ZEB1: variants seen among roughly 807,000 people sequenced by gnomAD.
ZEB1 encodes the protein zinc finger E-box-binding homeobox 1.
In ZEB1, 21 loss-of-function variants were observed where a neutral mutation model predicts 84.9. The observed-to-expected ratio is 0.25, with a 90% confidence interval of 0.18 to 0.36. The LOEUF is 0.36. ZEB1 is among the 10% of genes least tolerant of loss of function. The pLI is 1.00. For missense variants in ZEB1, 1,104 were observed against 1,330.2 expected (o/e 0.83, Z 2.65); for synonymous variants, 420 against 471.1 (o/e 0.89, Z 1.41).
chr10:31,329,305 T>G (rs2036260331), intron 1 of ZEB1, among the ~76,000 whole-genome samples: 1 of 152,150 alleles, frequency 6.6e-6, no homozygotes, highest in Non-Finnish European at 1.5e-5. Context: ...CTGTGCACCT[T>G]CTTTTGCACA....
intron 1 of ZEB1, among the ~76,000 whole-genome samples, chr10:31,347,214 C>T (rs1205397266): frequency 1.3e-5 from 2 of 152,102 alleles, no homozygotes; most frequent in East Asian, 3.8e-4. Context: ...CAATGTATTT[C>T]TTACATAAAG....
At chr10:31,516,137 T>C (rs1052674691) in intron 6 of ZEB1, among the ~76,000 whole-genome samples, 1 of 152,068 alleles carries the variant, frequency 6.6e-6, no homozygotes, top group African/African-American at 2.4e-5. Flanking sequence ...AGCATTGGTA[T>C]TTAAAAATCA....
rs1282162939 is a variant in ZEB1, at chr10:31,521,565, G to A, written c.2233G>A (p.Gly745Arg). 6.2e-7 allele frequency: 1 copy of A among 1,614,036 alleles called. No homozygotes were observed. The part of the protein sequence containing the change: ...PLDLSLPKQQ[G>R]ELLERSTITS... ...TGATCTTTCACTACCAAAGCAACAG[G>A]GAGAATTATTAGAAAGGTCAACTAT... is the stretch of plus-strand genomic sequence containing the variant. Residue 745 changes from glycine (G) to arginine (R), a missense_variant, in exon 7 of 9, where the codon GGA (glycine) becomes AGA (arginine). Coordinates refer to ENST00000424869, the MANE Select transcript of ZEB1 (RefSeq NM_001174096.2).
chr10:31,509,214 C>G (rs1413153541), intron 4 of ZEB1, among the ~76,000 whole-genome samples: 1 of 152,156 alleles, frequency 6.6e-6, no homozygotes, highest in Non-Finnish European at 1.5e-5. Flanking sequence ...TCAGCATAAG[C>G]TCCCTCTCCG....
intron 3 of ZEB1, among the ~76,000 whole-genome samples, chr10:31,500,574 A>G (rs2067978319): frequency 6.6e-6 from 1 of 152,206 alleles, no homozygotes; most frequent in African/African-American, 2.4e-5. Context: ...GTCAGTAAAG[A>G]AGGCTTTCCC....
chr10:31,325,373 A>C (rs2035228056), intron 1 of ZEB1, among the ~76,000 whole-genome samples: 1 of 152,078 alleles, frequency 6.6e-6, no homozygotes, highest in South Asian at 2.1e-4. Flanking sequence ...TTCTCTACAA[A>C]GTTACTTTTC....
At chr10:31,438,931 C>A (rs1028744181) in intron 1 of ZEB1, among the ~76,000 whole-genome samples, 21 of 152,172 alleles carry the variant, frequency 1.4e-4, no homozygotes, top group African/African-American at 3.9e-4. Context: ...TTTGCCCAAT[C>A]CCAGTTCAGT....
At chr10:31,440,925 G>C (rs1290134410) in intron 1 of ZEB1, among the ~76,000 whole-genome samples, 1 of 152,130 alleles carries the variant, frequency 6.6e-6, no homozygotes. Context: ...ACAAATGGAA[G>C]AACATTCCAT....
chr10:31,438,216 C>T (rs2058504105), intron 1 of ZEB1, among the ~76,000 whole-genome samples: 1 of 152,168 alleles, frequency 6.6e-6, no homozygotes, highest in Non-Finnish European at 1.5e-5. Context: ...GTCACTTGTG[C>T]TGGTGTTCAG....
chr10:31,474,018 T>C (rs2063687035), intron 2 of ZEB1, among the ~76,000 whole-genome samples: 1 of 152,224 alleles, frequency 6.6e-6, no homozygotes, highest in Non-Finnish European at 1.5e-5. Flanking sequence ...TGTACAAAGC[T>C]GAAACTGGAT....
At chr10:31,470,040 A>G (rs2062999325) in intron 2 of ZEB1, among the ~76,000 whole-genome samples, 1 of 151,562 alleles carries the variant, frequency 6.6e-6, no homozygotes, top group Non-Finnish European at 1.5e-5. Context: ...CAGAAAGGAC[A>G]TCCACACCAA....
intron 1 of ZEB1, among the ~76,000 whole-genome samples, chr10:31,334,953 A>C (rs1311470481): frequency 6.6e-6 from 1 of 152,142 alleles, no homozygotes; most frequent in African/African-American, 2.4e-5. Flanking sequence ...AAGGAACAAT[A>C]ATTCCAGTTG....
intron 4 of ZEB1, among the ~76,000 whole-genome samples, chr10:31,510,374 C>T (rs1417444232): frequency 6.6e-6 from 1 of 152,108 alleles, no homozygotes; most frequent in African/African-American, 2.4e-5. Flanking sequence ...AATCACATGA[C>T]AAAAGGGAAG....
intron 4 of ZEB1, among the ~76,000 whole-genome samples, chr10:31,508,463 G>A (rs895353665): frequency 2.4e-4 from 37 of 152,144 alleles, no homozygotes; most frequent in South Asian, 2.1e-4. Flanking sequence ...CAGGCCTACC[G>A]GTGGTGCATG....
chr10:31,341,892 T>G (rs2039439535), intron 1 of ZEB1, among the ~76,000 whole-genome samples: 1 of 152,128 alleles, frequency 6.6e-6, no homozygotes, highest in Admixed American at 6.5e-5. Context: ...CTTAAATTGG[T>G]GGGGGAGATC....
At chr10:31,467,554 C>T (rs191282777) in intron 2 of ZEB1, among the ~76,000 whole-genome samples, 3 of 152,178 alleles carry the variant, frequency 2.0e-5, no homozygotes, top group African/African-American at 7.2e-5. Flanking sequence ...CTCCATTGCC[C>T]CACCTGAGTG....
At chr10:31,394,728 A>G (rs543162643) in intron 1 of ZEB1, among the ~76,000 whole-genome samples, 2 of 152,216 alleles carry the variant, frequency 1.3e-5, no homozygotes, top group African/African-American at 2.4e-5. Context: ...TAGCTGTATA[A>G]TGTTCCGTCA....
At chr10:31,411,297 T>C (rs909138929) in intron 1 of ZEB1, among the ~76,000 whole-genome samples, 1 of 151,950 alleles carries the variant, frequency 6.6e-6, no homozygotes, top group Non-Finnish European at 1.5e-5. Context: ...CAGAAAAAAA[T>C]AAGTTCTTTG....
At position 31,526,805 on chromosome 10, in the gene ZEB1, T is replaced by A; in HGVS notation, c.2919T>A (p.Ser973=). Residue 973 remains serine (S), a synonymous_variant, in exon 9 of 9, where the codon TCT becomes TCA. Transcript: ENST00000424869. Reference sequence around the variant, plus strand: ...AATGTGGAAAGCGCTTCTCACACTCTGGGTCTTATTCTCAACACATGAATC... The same window carrying A: ...AATGTGGAAAGCGCTTCTCACACTCAGGGTCTTATTCTCAACACATGAATC... The part of the protein sequence containing the change: ...CDKCGKRFSH[S]GSYSQHMNHR... 1 of 1,614,162 alleles carries A rather than the reference T, an allele frequency of 6.2e-7. No homozygotes were observed. The highest frequency in any genetic ancestry group is 1.1e-5 in the South Asian group (1 of 91,084).
Sources: allele counts gnomAD v4.1 joint callset (sites outside exome capture counted in the v4.1 genomes callset), GRCh38; gene constraint gnomAD v4.1.1; transcripts MANE v1.5; gene names NCBI Gene and HGNC (gene_info 2026-07-23, HGNC 2026-07-21).